Variants in THSD7B observed in about 807,000 individuals in gnomAD.
THSD7B encodes thrombospondin type 1 domain containing 7B.
In THSD7B, 138 loss-of-function variants were observed where a neutral mutation model predicts 213.6. The observed-to-expected ratio is 0.65, with a 90% CI of 0.56 to 0.74. THSD7B has a LOEUF of 0.74. THSD7B is among the 30% of genes least tolerant of loss of function. THSD7B has a pLI of 0.00. For missense variants in THSD7B, 1,931 were observed against 1,991.5 expected (o/e 0.97, Z 0.58); for synonymous variants, 742 against 687.0 (o/e 1.08, Z -1.25).
Position 136,980,702 on chromosome 2 carries a change from C to T in THSD7B, c.140-75718C>T, listed in dbSNP as rs1022548068. Among the ~76,000 whole-genome samples, 8 of 152,288 alleles carry T rather than the reference C, an allele frequency of 5.3e-5. No homozygotes were observed. The East Asian group carries it at 7.7e-4, about 15-fold the overall frequency. ...CTGCTGTTGCTGGCTGCCAGCTGAG[C>T]GGTCCCAAGAGTCTTCACAGTTCTG... On this transcript the variant is annotated intron_variant, in intron 2 of 27. Coordinates refer to ENST00000409968, the MANE Select transcript of THSD7B (RefSeq NM_001316349.2).
intron 1 of THSD7B, among the ~76,000 whole-genome samples, chr2:136,815,586 A>T (rs939805440): frequency 6.6e-6 from 1 of 152,234 alleles, no homozygotes; most frequent in African/African-American, 2.4e-5. Flanking sequence ...AATAATTAGA[A>T]CATTAAACCC....
intron 12 of THSD7B, among the ~76,000 whole-genome samples, chr2:137,303,071 T>G (rs933733283): frequency 2.6e-5 from 4 of 152,190 alleles, no homozygotes; most frequent in Non-Finnish European, 4.4e-5. Flanking sequence ...GGCACAATCA[T>G]AGCTCACCAT....
At chr2:137,573,645 T>C (rs1681402161) in intron 17 of THSD7B, among the ~76,000 whole-genome samples, 1 of 152,140 alleles carries the variant, frequency 6.6e-6, no homozygotes, top group South Asian at 2.1e-4. Context: ...TAAAATTTAT[T>C]GACCACTTAT....
intron 2 of THSD7B, among the ~76,000 whole-genome samples, chr2:136,903,925 G>GGTGTGTGT (rs775988420): frequency 2.0e-4 from 22 of 108,824 alleles, no homozygotes; most frequent in African/African-American, 7.1e-4. Flanking sequence ...CTTCCTGTGA[G>GGTGTGTGT]GTGTGTGTGT....
intron 10 of THSD7B, among the ~76,000 whole-genome samples, chr2:137,263,042 C>T (rs1352116933): frequency 3.9e-5 from 6 of 152,086 alleles, no homozygotes; most frequent in African/African-American, 1.2e-4. Flanking sequence ...GTTTTAAGAA[C>T]AGCAGTGGTT....
chr2:137,519,928 TAA>T (rs1680148265), intron 15 of THSD7B, among the ~76,000 whole-genome samples: 1 of 152,154 alleles, frequency 6.6e-6, no homozygotes, highest in Non-Finnish European at 1.5e-5. Context: ...CAAGAGAATA[TAA>T]AGTTTTCAGT....
chr2:136,834,933 GT>G (rs1232559418), intron 1 of THSD7B, among the ~76,000 whole-genome samples: 5 of 152,156 alleles, frequency 3.3e-5, no homozygotes, highest in African/African-American at 1.2e-4. Flanking sequence ...ATGTTCAAAT[GT>G]CCCCATTGTC....
intron 17 of THSD7B, among the ~76,000 whole-genome samples, chr2:137,584,020 G>C (rs1355181203): frequency 6.7e-6 from 1 of 148,200 alleles, no homozygotes; most frequent in Admixed American, 6.8e-5. Flanking sequence ...TTGTTGAGCA[G>C]TGGTTTGTAG....
At chr2:137,086,660 C>T (rs1279312840) in intron 3 of THSD7B, among the ~76,000 whole-genome samples, 3 of 152,122 alleles carry the variant, frequency 2.0e-5, no homozygotes, top group Non-Finnish European at 4.4e-5. Context: ...GGCCATTGTT[C>T]ACTCTACGAC....
chr2:137,361,630 T>A (rs1354851318), intron 12 of THSD7B, among the ~76,000 whole-genome samples: 1 of 152,114 alleles, frequency 6.6e-6, no homozygotes, highest in Admixed American at 6.5e-5. Context: ...AGGAAGGGTA[T>A]AAGTGATTGA....
At position 137,656,929 on chromosome 2, in the gene THSD7B, C is replaced by T. The variant is rs758888396; in HGVS notation, c.4239C>T (p.Asp1413=). 2 of 1,613,930 alleles carry T rather than the reference C, an allele frequency of 1.2e-6. No homozygotes were observed. The highest frequency in any genetic ancestry group is 1.3e-5 in the African/African-American group (1 of 74,934). Residue 1413 remains aspartate (D), a synonymous_variant, in exon 23 of 28, where the codon GAC becomes GAT. Transcript: ENST00000409968. ...TAATTCAGTCTTTTGAGAACCAAGA[C>T]AGCTGCCCCCAACAGGTTCTAGAAA... is the stretch of plus-strand genomic sequence containing the variant. ...TFIIQSFENQ[D]SCPQQVLETR...
At chr2:137,592,569 A>G (rs1681885589) in intron 17 of THSD7B, among the ~76,000 whole-genome samples, 1 of 151,896 alleles carries the variant, frequency 6.6e-6, no homozygotes, top group Admixed American at 6.6e-5. Context: ...TATAACTTTT[A>G]TTCCTAAATC....
chr2:136,900,318 T>C (rs1684042296), intron 2 of THSD7B, among the ~76,000 whole-genome samples: 1 of 152,214 alleles, frequency 6.6e-6, no homozygotes, highest in Non-Finnish European at 1.5e-5. Flanking sequence ...TTTCTCTTTG[T>C]AGTAAGTTAC....
rs1007106555 is a variant in THSD7B, at chr2:137,405,804, A to G, written c.2692A>G (p.Thr898Ala). 3 of 1,609,770 alleles carry G rather than the reference A, an allele frequency of 1.9e-6. No individual in the cohort carries two copies. Among genetic ancestry groups the G allele is most frequent in the Non-Finnish European group, 2.5e-6 (3 of 1,177,970 alleles). The part of the protein sequence containing the change: ...EATKSRRRQL[T>A]GKSRKKEKCQ... The stretch of plus-strand genomic sequence containing the variant: ...CACAAAAAGTAGGCGGCGACAGCTC[A>G]CAGGTATAGTGTGCATTTTACTCTT... Residue 898 changes from threonine to alanine, a missense_variant, in exon 13 of 28, where the codon ACA (threonine) becomes GCA (alanine). Coordinates refer to ENST00000409968, the MANE Select transcript of THSD7B (RefSeq NM_001316349.2).
intron 14 of THSD7B, among the ~76,000 whole-genome samples, chr2:137,415,167 G>A (rs1319993686): frequency 6.6e-6 from 1 of 151,806 alleles, no homozygotes; most frequent in African/African-American, 2.4e-5. Context: ...ATCTTTACTT[G>A]GACTTTGTCT....
intron 12 of THSD7B, among the ~76,000 whole-genome samples, chr2:137,367,391 G>A (rs1424916341): frequency 6.6e-6 from 1 of 152,130 alleles, no homozygotes; most frequent in Non-Finnish European, 1.5e-5. Context: ...TTTTAGGGTA[G>A]GAGTAATGCA....
At chr2:137,075,805 G>C (rs1175247420) in intron 3 of THSD7B, among the ~76,000 whole-genome samples, 1 of 152,180 alleles carries the variant, frequency 6.6e-6, no homozygotes, top group Admixed American at 6.5e-5. Context: ...CCTTCAAACA[G>C]ACAGGACCCT....
intron 12 of THSD7B, among the ~76,000 whole-genome samples, chr2:137,348,500 TCCTTATGTTGCACCAG>T (rs1413271387): frequency 6.6e-6 from 1 of 151,658 alleles, no homozygotes; most frequent in Non-Finnish European, 1.5e-5. Context: ...GCCAGAAATG[TCCTTATGTTGCACCAG>T]CCCATGCTTT....
chr2:137,259,391 G>A (rs1682387575), intron 10 of THSD7B, among the ~76,000 whole-genome samples: 1 of 152,162 alleles, frequency 6.6e-6, no homozygotes, highest in African/African-American at 2.4e-5. Flanking sequence ...ACTGGCATGA[G>A]GTGACATCTC....
Sources: allele counts gnomAD v4.1 joint callset (sites outside exome capture counted in the v4.1 genomes callset), GRCh38; gene constraint gnomAD v4.1.1; transcripts MANE v1.5; gene names NCBI Gene and HGNC (gene_info 2026-07-23, HGNC 2026-07-21).